DUSP22: variants seen among roughly 807,000 people sequenced by gnomAD.
DUSP22 encodes dual specificity protein phosphatase 22.
DUSP22 carries 24 observed loss-of-function variants against 24.5 expected under a neutral mutation model. The ratio of observed to expected loss-of-function variants is 0.98; its 90% confidence interval spans 0.71 to 1.38. The LOEUF is 1.38. DUSP22 is among the 40% of genes most tolerant of loss of function. DUSP22 has a pLI of 0.00. For synonymous variants in DUSP22, 160 were observed against 106.4 expected (o/e 1.50, Z -3.10); for missense variants, 330 against 269.2 (o/e 1.23, Z -1.58).
chr6:335,381 C>T (rs1486195830), intron 4 of DUSP22, among the ~76,000 whole-genome samples: 1 of 152,310 alleles, frequency 6.6e-6, no homozygotes, highest in Non-Finnish European at 1.5e-5. Flanking sequence ...TTCCATTATG[C>T]AGAGAGACTC....
At chr6:293,272 G>A (rs1757178344) in intron 1 of DUSP22, among the ~76,000 whole-genome samples, 1 of 152,284 alleles carries the variant, frequency 6.6e-6, no homozygotes, top group African/African-American at 2.4e-5. Context: ...CCGGGCGGTG[G>A]GCTAGCCTTT....
Position 350,681 on chromosome 6 carries a change from A to C in DUSP22, c.*1730A>C. 6.4e-7 allele frequency: 1 copy of C among 1,555,066 alleles called. No homozygotes were observed. Among genetic ancestry groups the C allele is most frequent in the Non-Finnish European group, 8.7e-7 (1 of 1,152,076 alleles). On this transcript the variant is annotated 3_prime_UTR_variant, in exon 7 of 7. Coordinates refer to ENST00000419235, the MANE Select transcript of DUSP22 (RefSeq NM_001286555.3). ...AGTACATGTTTTTCCTAAGCCAAAAATAAATACGTTAACAGAAAAATGATT... is the reference window on the plus strand; with the variant it reads ...AGTACATGTTTTTCCTAAGCCAAAACTAAATACGTTAACAGAAAAATGATT...
intron 3 of DUSP22, among the ~76,000 whole-genome samples, chr6:326,737 G>C (rs566502131): frequency 6.6e-6 from 1 of 152,416 alleles, no homozygotes; most frequent in South Asian, 2.1e-4. Flanking sequence ...ATGTCACATT[G>C]ACTTTCCTTG....
Position 332,340 on chromosome 6 carries a change from C to T in DUSP22, c.139-2774C>T, listed in dbSNP as rs1321597590. 2.6e-5 allele frequency among the ~76,000 whole-genome samples: 4 copies of T among 152,308 alleles called. No individual in the cohort carries two copies. In the East Asian group the frequency reaches 5.8e-4, roughly 22 times the overall value. The stretch of plus-strand genomic sequence containing the variant: ...GAGGCTGCAGCTCCACACGCCCACC[C>T]CAGCGACTGTGGGCAGGGGCCAGCA... On this transcript the variant is annotated intron_variant, in intron 3 of 6. Transcript: ENST00000419235.
intron 2 of DUSP22, among the ~76,000 whole-genome samples, chr6:305,918 T>C (rs923521464): frequency 6.6e-6 from 1 of 152,300 alleles, no homozygotes; most frequent in African/African-American, 2.4e-5. Flanking sequence ...TCAAATTGAT[T>C]GTACAAATAA....
intron 1 of DUSP22, among the ~76,000 whole-genome samples, chr6:293,184 G>C (rs1486793377): frequency 7.0e-4 from 107 of 152,264 alleles, no homozygotes; most frequent in Non-Finnish European, 1.0e-4. Flanking sequence ...AGGCCTTCTG[G>C]AAAATCTGTG....
At chr6:329,735 A>C (rs1020902624) in intron 3 of DUSP22, among the ~76,000 whole-genome samples, 1 of 152,298 alleles carries the variant, frequency 6.6e-6, no homozygotes, top group Non-Finnish European at 1.5e-5. Flanking sequence ...TGCAGGCATG[A>C]GCCACCATGC....
At chr6:309,683 C>CACACACACACAA (rs1335647188) in intron 2 of DUSP22, among the ~76,000 whole-genome samples, 1 of 47,706 alleles carries the variant, frequency 2.1e-5, no homozygotes, top group African/African-American at 5.1e-5. Context: ...ATGTAGAACA[C>CACACACACACAA]ACACACACAC....
intron 2 of DUSP22, among the ~76,000 whole-genome samples, chr6:310,397 T>A (rs906897605): frequency 2.0e-5 from 3 of 152,422 alleles, no homozygotes; most frequent in Admixed American, 2.0e-4. Flanking sequence ...GGGTTCCACT[T>A]CAGGGGATCA....
chr6:330,122 C>T (rs1024561492), intron 3 of DUSP22, among the ~76,000 whole-genome samples: 3 of 152,304 alleles, frequency 2.0e-5, no homozygotes, highest in Non-Finnish European at 2.9e-5. Context: ...GACACCATTG[C>T]TGGAGGAGGA....
chr6:331,864 T>C (rs1443547569), intron 3 of DUSP22, among the ~76,000 whole-genome samples: 1 of 152,298 alleles, frequency 6.6e-6, no homozygotes, highest in African/African-American at 2.4e-5. Context: ...CTTGACTGAG[T>C]TTGCATATTC....
chr6:334,058 T>C (rs1759259767), intron 3 of DUSP22, among the ~76,000 whole-genome samples: 1 of 152,310 alleles, frequency 6.6e-6, no homozygotes, highest in Admixed American at 6.5e-5. Flanking sequence ...TAATTAAAAA[T>C]GCAGAAATTA....
At chr6:332,206 A>G (rs1264172319) in intron 3 of DUSP22, among the ~76,000 whole-genome samples, 6 of 152,300 alleles carry the variant, frequency 3.9e-5, no homozygotes, top group Non-Finnish European at 8.8e-5. Context: ...TCAACAGAAT[A>G]TAATCTTGAC....
chr6:322,143 C>G (rs950241315), intron 3 of DUSP22, among the ~76,000 whole-genome samples: 21 of 152,400 alleles, frequency 1.4e-4, no homozygotes, highest in African/African-American at 5.0e-4. Context: ...TACATATCTA[C>G]ATAGTGTATA....
In DUSP22 at chr6:304,619, C is replaced by T. The variant is rs780233657; in HGVS notation, c.22-9C>T. The T allele has an allele frequency of 1.9e-6, 3 of 1,614,244 alleles. No homozygotes were observed. The East Asian group carries it at 6.7e-5, about 36-fold the overall frequency. On this transcript the variant is annotated splice_polypyrimidine_tract_variant and intron_variant, in intron 1 of 6. Coordinates refer to ENST00000419235, the MANE Select transcript of DUSP22 (RefSeq NM_001286555.3). ...GCCATGCTCATGTCTGTGTCTGTCTCTCTCCTAGATCCTGCCCGGCCTGTA... is the reference window on the plus strand; with the variant it reads ...GCCATGCTCATGTCTGTGTCTGTCTTTCTCCTAGATCCTGCCCGGCCTGTA...
At position 348,140 on chromosome 6, in the gene DUSP22, G is replaced by A. The variant is rs768192099; in HGVS notation, c.301G>A (p.Ala101Thr). 1.4e-5 allele frequency: 22 copies of A among 1,614,182 alleles called. No homozygotes were observed. Among genetic ancestry groups the A allele is most frequent in the South Asian group, 5.5e-5 (5 of 91,096 alleles). The part of the protein sequence containing the change: ...GVSRSVTLVI[A>T]YIMTVTDFGW... Reference sequence around the variant, plus strand: ...CTCCAGGAGCGTGACACTGGTGATCGCATACATCATGACCGTCACTGACTT... The same window carrying A: ...CTCCAGGAGCGTGACACTGGTGATCACATACATCATGACCGTCACTGACTT... Residue 101 changes from alanine to threonine, a missense_variant, in exon 6 of 7, where the codon GCA (alanine) becomes ACA (threonine). By Grantham distance (58) the Ala-to-Thr change is moderately conservative. Coordinates refer to ENST00000419235, the MANE Select transcript of DUSP22 (RefSeq NM_001286555.3).
At chr6:341,010 A>G (rs1174494877) in intron 4 of DUSP22, among the ~76,000 whole-genome samples, 1 of 152,306 alleles carries the variant, frequency 6.6e-6, no homozygotes, top group Non-Finnish European at 1.5e-5. Flanking sequence ...TGATGCAGAA[A>G]GGAAGGGACC....
At chr6:330,005 T>A (rs536452184) in intron 3 of DUSP22, among the ~76,000 whole-genome samples, 1 of 152,410 alleles carries the variant, frequency 6.6e-6, no homozygotes, top group African/African-American at 2.4e-5. Flanking sequence ...CAGTTGTTAA[T>A]TGTGGTGGAG....
intron 1 of DUSP22, among the ~76,000 whole-genome samples, chr6:300,157 A>G (rs1757514810): frequency 6.6e-6 from 1 of 152,304 alleles, no homozygotes; most frequent in Admixed American, 6.5e-5. Flanking sequence ...CAATATTTGA[A>G]AATTGGGCTG....
Sources: gnomAD v4.1 joint callset for allele counts (sites outside exome capture counted in the v4.1 genomes callset) on GRCh38, gnomAD v4.1.1 for gene constraint, MANE v1.5 for transcripts, NCBI Gene and HGNC (gene_info 2026-07-23, HGNC 2026-07-21) for gene names.